Variants in PCDHGA4 observed in about 807,000 individuals in gnomAD.
The protein encoded by PCDHGA4 is protocadherin gamma subfamily A, 4.
Under a neutral mutation model 54.6 loss-of-function variants are expected in PCDHGA4, and 38 were observed. The ratio of observed to expected loss-of-function variants is 0.70; its 90% confidence interval spans 0.54 to 0.91. PCDHGA4 has a LOEUF of 0.91. Among genes scored for constraint, PCDHGA4 ranks in the 40% least tolerant of loss-of-function variants. The pLI is 0.00. For synonymous variants in PCDHGA4, 511 were observed against 512.9 expected (o/e 1.00, Z 0.05); for missense variants, 1,298 against 1,220.9 (o/e 1.06, Z -0.94).
intron 1 of PCDHGA4, chr5:141,413,770 G>A: frequency 6.2e-7 from 1 of 1,612,708 alleles, no homozygotes; most frequent in Non-Finnish European, 8.5e-7. Context: ...CCCGGAGCTG[G>A]TACTGGAGCA....
chr5:141,421,050 T>TACCACACAA, intron 1 of PCDHGA4: 1 of 561,278 alleles, frequency 1.8e-6, no homozygotes, highest in Non-Finnish European at 3.1e-6. Flanking sequence ...CCCCCGCCTC[T>TACCACACAA]ACCACACAAA....
chr5:141,455,961 G>C (rs1447678052), intron 1 of PCDHGA4, among the ~76,000 whole-genome samples: 1 of 150,954 alleles, frequency 6.6e-6, no homozygotes, highest in African/African-American at 2.4e-5. Context: ...GCAGTGGCGC[G>C]ATCTCAGCTC....
At chr5:141,458,774 A>G (rs2154566349) in intron 1 of PCDHGA4, among the ~76,000 whole-genome samples, 1 of 151,812 alleles carries the variant, frequency 6.6e-6, no homozygotes, top group Admixed American at 6.6e-5. Flanking sequence ...GCTGTGTCAC[A>G]CAGGCTGGAG....
In PCDHGA4 at chr5:141,478,301, G is replaced by C. The variant is rs778427815; in HGVS notation, c.2515-16506G>C. ...GAAGCAGTCTAGAGACCTATACCGA[G>C]CCCCGGTGAGCTCACTGTACCGAAC... On this transcript the variant is annotated intron_variant, in intron 1 of 3. Coordinates refer to ENST00000571252, the MANE Select transcript of PCDHGA4 (RefSeq NM_018917.4). 2.5e-6 allele frequency: 4 copies of C among 1,614,074 alleles called. No individual in the cohort carries two copies. In the South Asian group the frequency reaches 4.4e-5, roughly 18 times the overall value.
In PCDHGA4 at chr5:141,462,383, G is replaced by A. The variant is rs78537075; in HGVS notation, c.2515-32424G>A. Among the ~76,000 whole-genome samples the A allele has an allele frequency of 5.6e-4, 85 of 151,920 alleles. 1 individual carries two copies. In the East Asian group the frequency reaches 0.016, roughly 29 times the overall value. ...GTATAGTTTCTATTCTTTTAAATTC[G>A]TTAACATTTCTTTTATGGCACAGAA... On this transcript the variant is annotated intron_variant, in intron 1 of 3. Transcript: ENST00000571252.
intron 1 of PCDHGA4, chr5:141,383,815 G>T (rs1221512502): frequency 1.2e-6 from 2 of 1,613,964 alleles, no homozygotes; most frequent in Non-Finnish European, 1.7e-6. Context: ...AACTTTAGAA[G>T]GATTAGATTA....
At chr5:141,457,330 A>G (rs2098916985) in intron 1 of PCDHGA4, among the ~76,000 whole-genome samples, 1 of 152,174 alleles carries the variant, frequency 6.6e-6, no homozygotes, top group Non-Finnish European at 1.5e-5. Flanking sequence ...GGTTACAGGT[A>G]CCTTACTTAC....
rs773688197 is a variant in PCDHGA4, at chr5:141,432,412, C to T, written c.2515-62395C>T. On this transcript the variant is annotated intron_variant, in intron 1 of 3. Transcript: ENST00000571252. This position sits in a 1 kb window ranked among gnomAD's most constrained non-coding sequence, Gnocchi z 6.0. ...GCAGCAACGTGTCGTTGAGCCTGTT[C>T]GTGCTGGACCAGAACGACAATGCGC... 5 of 1,614,128 alleles carry T rather than the reference C, an allele frequency of 3.1e-6. No individual in the cohort carries two copies. The highest frequency in any genetic ancestry group is 4.5e-5 in the East Asian group (2 of 44,894).
intron 2 of PCDHGA4, among the ~76,000 whole-genome samples, chr5:141,500,046 T>C (rs959260262): frequency 1.3e-5 from 2 of 152,098 alleles, no homozygotes; most frequent in African/African-American, 4.8e-5. Context: ...TTAAGTATCT[T>C]AATGCTCTTT....
rs1561509462 is a variant in PCDHGA4, at chr5:141,355,692, A to C, written c.585A>C (p.Val195=). ...LPEAFDPDVG[V]NSLQGYQLNS... Reference sequence around the variant, plus strand: ...AAGCTTTTGATCCGGATGTAGGTGTAAACTCCCTGCAGGGTTACCAGCTCA... The same window carrying C: ...AAGCTTTTGATCCGGATGTAGGTGTCAACTCCCTGCAGGGTTACCAGCTCA... The change falls in exon 1 of 4, where the codon GTA becomes GTC. Residue 195 remains valine (V), a synonymous_variant. Coordinates refer to ENST00000571252, the MANE Select transcript of PCDHGA4 (RefSeq NM_018917.4). 6.2e-7 allele frequency: 1 copy of C among 1,614,008 alleles called. No individual in the cohort carries two copies. The highest frequency in any genetic ancestry group is 2.2e-5 in the East Asian group (1 of 44,880).
rs558981733 is a variant in PCDHGA4 at position 141,356,029 on chromosome 5, G to A, written c.922G>A (p.Val308Met). The change falls in exon 1 of 4, where the codon GTG (valine) becomes ATG (methionine). Residue 308 changes from valine to methionine, a missense_variant. By Grantham distance (21) the Val-to-Met change is conservative (BLOSUM62 1). Coordinates refer to ENST00000571252, the MANE Select transcript of PCDHGA4 (RefSeq NM_018917.4). ...TCCAGATGAAGGAGCCAATGGAGAC[G>A]TGACGTATTCTTTCCGGAAAGTAAG... Reference protein sequence around the residue: ...TDPDEGANGDVTYSFRKVRDK... With the variant: ...TDPDEGANGDMTYSFRKVRDK... 10 of 1,613,954 alleles carry A rather than the reference G, an allele frequency of 6.2e-6. No homozygotes were observed. Among genetic ancestry groups the A allele is most frequent in the South Asian group, 5.5e-5 (5 of 91,076 alleles).
chr5:141,375,605 A>C, intron 1 of PCDHGA4: 2 of 1,614,082 alleles, frequency 1.2e-6, no homozygotes, highest in Non-Finnish European at 1.7e-6. Flanking sequence ...CGTGTCCATC[A>C]ACTCCGACAC....
At chr5:141,427,599 C>T (rs1233253295) in intron 1 of PCDHGA4, 3 of 682,980 alleles carry the variant, frequency 4.4e-6, no homozygotes, top group South Asian at 3.0e-5. Flanking sequence ...CCTCACCCTA[C>T]GCATTGGTGA....
chr5:141,432,395 G>C lies in PCDHGA4; in HGVS notation c.2515-62412G>C, dbSNP rs748660079. The C allele has an allele frequency of 1.2e-6, 2 of 1,614,242 alleles. No homozygotes were observed. The highest frequency in any genetic ancestry group is 4.5e-5 in the East Asian group (2 of 44,882). On this transcript the variant is annotated intron_variant, in intron 1 of 3. Coordinates refer to ENST00000571252, the MANE Select transcript of PCDHGA4 (RefSeq NM_018917.4). The surrounding 1 kb of genome is among the most constrained non-coding windows in gnomAD (Gnocchi z 6.0). The stretch of plus-strand genomic sequence containing the variant: ...CGGGCACCCGCCCCTCAGCAGCAAC[G>C]TGTCGTTGAGCCTGTTCGTGCTGGA...
chr5:141,450,991 A>AT (rs1351194705), intron 1 of PCDHGA4, among the ~76,000 whole-genome samples: 1 of 150,700 alleles, frequency 6.6e-6, no homozygotes. Context: ...CACCCGGCTA[A>AT]TTTTTTTGTA....
At position 141,399,297 on chromosome 5, in the gene PCDHGA4, T is replaced by G. The variant is rs370898446; in HGVS notation, c.2514+41676T>G. On this transcript the variant is annotated intron_variant, in intron 1 of 3. Transcript: ENST00000571252. The stretch of plus-strand genomic sequence containing the variant: ...TACAAGGCGAAGTCCCTTTTAAGAT[T>G]ATCTCTTCATCCAAAAATTCGTATA... 14 of 1,613,948 alleles carry G rather than the reference T, an allele frequency of 8.7e-6. No individual in the cohort carries two copies. The East Asian group carries it at 2.9e-4, about 33-fold the overall frequency.
intron 1 of PCDHGA4, chr5:141,371,923 G>A: frequency 2.5e-6 from 4 of 1,613,350 alleles, no homozygotes; most frequent in African/African-American, 1.3e-5. Flanking sequence ...GTGAGCGCGC[G>A]GAGCGGGGTG....
In PCDHGA4 at chr5:141,491,491, G is replaced by C. The variant is rs2099717103; in HGVS notation, c.2515-3316G>C. The C allele has an allele frequency of 1.2e-6, 2 of 1,614,042 alleles. No homozygotes were observed. The highest frequency in any genetic ancestry group is 1.7e-5 in the Admixed American group (1 of 60,016). The stretch of plus-strand genomic sequence containing the variant: ...TAAGCAGTCCAGCCCCAACCTGCAG[G>C]TGAGCTCGGACGGCACGCTCAAGTA... On this transcript the variant is annotated intron_variant, in intron 1 of 3. Transcript: ENST00000571252. The surrounding 1 kb of genome is among the most constrained non-coding windows in gnomAD (Gnocchi z 6.9).
Position 141,356,357 on chromosome 5 carries a change from T to A in PCDHGA4, c.1250T>A (p.Ile417Asn). The A allele has an allele frequency of 1.3e-6, 2 of 1,557,122 alleles. No homozygotes were observed. The highest frequency in any genetic ancestry group is 1.7e-6 in the Non-Finnish European group (2 of 1,149,820). The change falls in exon 1 of 4, where the codon ATT becomes AAT. Residue 417 changes from isoleucine (I) to asparagine (N), a missense_variant. Transcript: ENST00000571252. ...SGGNGLVTCS[I>N]PDNLPFTLEK... ...GGAAATGGCCTAGTCACATGTTCTA[T>A]TCCAGATAATCTGCCATTCACACTT...
Sources: gnomAD v4.1 joint callset for allele counts (sites outside exome capture counted in the v4.1 genomes callset) on GRCh38, gnomAD v4.1.1 for gene constraint, Gnocchi (gnomAD v3.1) non-coding constraint, MANE v1.5 for transcripts, NCBI Gene and HGNC (gene_info 2026-07-23, HGNC 2026-07-21) for gene names.